TJP2: variants seen among roughly 807,000 people sequenced by gnomAD.
TJP2 encodes the protein Friedreich ataxia region gene X104 (tight junction protein ZO-2).
A neutral mutation model predicts 133.1 loss-of-function variants in TJP2; 91 were observed. The observed-to-expected ratio is 0.68, with a 90% CI of 0.58 to 0.81. The LOEUF is 0.81. TJP2 is among the 40% of genes least tolerant of loss of function. The pLI is 0.00. For synonymous variants in TJP2, 592 were observed against 583.4 expected (o/e 1.01, Z -0.21); for missense variants, 1,541 against 1,565.6 (o/e 0.98, Z 0.26).
At chr9:69,221,598 G>T in intron 5 of TJP2, 102 bp downstream of exon 5, 1 of 1,467,322 alleles carries the variant, frequency 6.8e-7, no homozygotes. Context: ...CTGTCATCCA[G>T]GCTGGAGGGA....
intron 17 of TJP2, among the ~76,000 whole-genome samples, chr9:69,242,218 G>T (rs565483203): frequency 3.3e-5 from 5 of 152,154 alleles, no homozygotes; most frequent in African/African-American, 1.2e-4. Flanking sequence ...CACAGGCCAC[G>T]GTAGCTGGCT....
upstream of TJP2, among the ~76,000 whole-genome samples, chr9:69,173,799 C>T (rs1335038527): frequency 1.3e-5 from 2 of 152,162 alleles, no homozygotes; most frequent in Non-Finnish European, 2.9e-5. Flanking sequence ...CAGGATGCCC[C>T]CGCGACCTCA....
At chr9:69,147,923 C>T (rs1248460387) in intron 1 of TJP2, among the ~76,000 whole-genome samples, 1 of 59,340 alleles carries the variant, frequency 1.7e-5, no homozygotes, top group African/African-American at 7.8e-5. Context: ...TTTCACTGAT[C>T]ACTTTTTTTT....
chr9:69,157,614 C>T (rs1424697136), intron 2 of TJP2, among the ~76,000 whole-genome samples: 3 of 152,004 alleles, frequency 2.0e-5, no homozygotes, highest in African/African-American at 2.4e-5. Context: ...TAGAGGCACA[C>T]GCCACCATGC....
rs543206163 is a variant in TJP2 at position 69,135,035 on chromosome 9, A to T, written c.-131+13310A>T. 5.3e-5 allele frequency among the ~76,000 whole-genome samples: 8 copies of T among 151,880 alleles called. No homozygotes were observed. In the South Asian group the frequency reaches 1.5e-3, roughly 28 times the overall value. On this transcript the variant is annotated intron_variant, in intron 1 of 5. Coordinates refer to the TJP2 transcript ENST00000423935. ...TTCTCTCTCTTGTTGTAGGGACACTAATCCTATCATGAGAGTCCCACCCTC... is the reference window on the plus strand; with the variant it reads ...TTCTCTCTCTTGTTGTAGGGACACTTATCCTATCATGAGAGTCCCACCCTC...
chr9:69,159,088 T>A lies in TJP2; in HGVS notation c.-10+7317T>A, dbSNP rs555882037. Reference sequence around the variant, plus strand: ...GGGAGGCTGAGGTGGGCAGATTGCTTGAGCTCAGGAGTTCGAGACCAACCT... The same window carrying A: ...GGGAGGCTGAGGTGGGCAGATTGCTAGAGCTCAGGAGTTCGAGACCAACCT... On this transcript the variant is annotated intron_variant, in intron 2 of 5. Transcript: ENST00000423935. Among the ~76,000 whole-genome samples the A allele has an allele frequency of 9.0e-4, 136 of 151,814 alleles. 2 individuals carry two copies. The highest frequency in any genetic ancestry group is 3.1e-3 in the African/African-American group (130 of 41,386).
At chr9:69,196,148 G>T (rs1360301148) in intron 1 of TJP2, among the ~76,000 whole-genome samples, 1 of 152,136 alleles carries the variant, frequency 6.6e-6, no homozygotes, top group Non-Finnish European at 1.5e-5. Flanking sequence ...TTGGTGTGAA[G>T]GCCAGTGATC....
chr9:69,162,177 G>T (rs1288974960), intron 2 of TJP2, among the ~76,000 whole-genome samples: 1 of 146,956 alleles, frequency 6.8e-6, no homozygotes, highest in South Asian at 2.1e-4. Context: ...TATACATAAA[G>T]TATAATTTTG....
intron 12 of TJP2, among the ~76,000 whole-genome samples, chr9:69,235,509 A>T (rs958968328): frequency 2.0e-5 from 3 of 151,704 alleles, no homozygotes; most frequent in Non-Finnish European, 4.4e-5. Flanking sequence ...TTTTTAGTAG[A>T]GACGGGGTTT....
chr9:69,240,468 G>A (rs1165265342), intron 17 of TJP2, among the ~76,000 whole-genome samples: 1 of 152,200 alleles, frequency 6.6e-6, no homozygotes, highest in Non-Finnish European at 1.5e-5. Flanking sequence ...TAGAGATTGT[G>A]TCATTGTTCT....
chr9:69,225,992 A>G, intron 6 of TJP2, 30 bp from the exon 7 acceptor site: 4 of 1,612,324 alleles, frequency 2.5e-6, no homozygotes, highest in Admixed American at 1.7e-5. Context: ...ATTTTATTGC[A>G]TTTAACATTA....
intron 3 of TJP2, among the ~76,000 whole-genome samples, chr9:69,216,989 CTT>C (rs10718586): frequency 0.029 from 3,859 of 133,190 alleles, 136 homozygotes; most frequent in African/African-American, 0.088. Flanking sequence ...TTTTTCTTTT[CTT>C]TTTTTTTTTT....
At chr9:69,226,975 T>G (rs1401512469) in intron 7 of TJP2, among the ~76,000 whole-genome samples, 1 of 152,264 alleles carries the variant, frequency 6.6e-6, no homozygotes, top group African/African-American at 2.4e-5. Context: ...TATTTGAATA[T>G]GAATTATACA....
chr9:69,230,364 C>G, intron 11 of TJP2, 132 bp downstream of exon 11: 1 of 1,137,994 alleles, frequency 8.8e-7, no homozygotes, highest in Non-Finnish European at 1.3e-6. Flanking sequence ...TGATGCCCAG[C>G]ATTGAAGTCT....
rs759812740 is a variant in TJP2, at chr9:69,236,108, C to G, written c.1861C>G (p.Gln621Glu). The G allele has an allele frequency of 5.0e-6, 8 of 1,614,084 alleles. No individual in the cohort carries two copies. The highest frequency in any genetic ancestry group is 2.2e-5 in the East Asian group (1 of 44,898). Residue 621 changes from glutamine (Q) to glutamate (E), a missense_variant, in exon 13 of 23, where the codon CAG becomes GAG. Gln to Glu is a conservative substitution (Grantham distance 29). Coordinates refer to ENST00000377245, the MANE Select transcript of TJP2 (RefSeq NM_004817.4). ...CTTTGAATGTGAGAAGGAAACTCCA[C>G]AGAGCCTGGCCTTCACCAGAGGGGA... ...SHFECEKETP[Q>E]SLAFTRGEVF...
chr9:69,218,121 C>T (rs977230351), intron 3 of TJP2, 136 bp from the exon 4 acceptor site: 29 of 709,798 alleles, frequency 4.1e-5, no homozygotes, highest in Non-Finnish European at 7.1e-5. Flanking sequence ...GTTGACTGGG[C>T]CTTGGGCGCC....
chr9:69,178,531 G>C (rs1310308120), intron 1 of TJP2, among the ~76,000 whole-genome samples: 2 of 152,182 alleles, frequency 1.3e-5, no homozygotes, highest in Non-Finnish European at 2.9e-5. Context: ...CTTATAGAGA[G>C]CCTGGTATAC....
At chr9:69,207,801 A>G (rs1421553791) in intron 1 of TJP2, among the ~76,000 whole-genome samples, 8 of 152,220 alleles carry the variant, frequency 5.3e-5, no homozygotes, top group Admixed American at 5.2e-4. Flanking sequence ...CACAGCTCTC[A>G]GCTAAGCTGC....
At chr9:69,203,373 A>G (rs1433709957) in intron 1 of TJP2, among the ~76,000 whole-genome samples, 2 of 151,706 alleles carry the variant, frequency 1.3e-5, no homozygotes, top group East Asian at 1.9e-4. Context: ...CTGGAGTGCA[A>G]TGGTGGGATC....
Sources: allele counts gnomAD v4.1 joint callset (sites outside exome capture counted in the v4.1 genomes callset), GRCh38; gene constraint gnomAD v4.1.1; transcripts MANE v1.5; gene names NCBI Gene and HGNC (gene_info 2026-07-23, HGNC 2026-07-21).